TMEM132D: variants seen among roughly 807,000 people sequenced by gnomAD.
TMEM132D encodes mature OL transmembrane protein.
A neutral mutation model predicts 62.3 loss-of-function variants in TMEM132D; 21 were observed. The ratio of observed to expected loss-of-function variants is 0.34; its 90% CI spans 0.24 to 0.49. The LOEUF (loss-of-function observed/expected upper bound fraction) is 0.49, where lower values mean the gene tolerates loss of function less well. TMEM132D is among the 20% of genes least tolerant of loss of function. The pLI is 0.99. For synonymous variants in TMEM132D, 621 were observed against 575.6 expected, an observed-to-expected ratio of 1.08 and a Z score of -1.13; for missense variants, 1,346 against 1,402.8, an observed-to-expected ratio of 0.96 and a Z score of 0.65.
At chr12:129,655,971 G>A (rs907482819) in intron 2 of TMEM132D, among the ~76,000 whole-genome samples, 4 of 152,062 alleles carry the variant, frequency 2.6e-5, no homozygotes, top group African/African-American at 7.2e-5. Flanking sequence ...TCCTCTCAAG[G>A]CTACTTCCAG....
Position 129,571,361 on chromosome 12 carries a change from C to G in TMEM132D, c.969-40156G>C, listed in dbSNP as rs1191034758. On this transcript the variant is annotated intron_variant, in intron 2 of 8. Coordinates refer to ENST00000422113, the MANE Select transcript of TMEM132D (RefSeq NM_133448.3). ...CAAGTGGATCATGAGGTCAGTAGTT[C>G]AAGACCAGCCTGGCCAACATGGTGA... Among the ~76,000 whole-genome samples, 8 of 152,130 alleles carry G rather than the reference C, an allele frequency of 5.3e-5. 1 individual carries two copies. The highest frequency in any genetic ancestry group is 1.5e-5 in the Non-Finnish European group (1 of 68,026).
intron 2 of TMEM132D, among the ~76,000 whole-genome samples, chr12:129,684,891 C>T (rs1880868885): frequency 6.6e-6 from 1 of 152,054 alleles, no homozygotes; most frequent in South Asian, 2.1e-4. Flanking sequence ...GGCTGTTTTT[C>T]CCTGCCTTAG....
rs568070809 is a variant in TMEM132D at position 129,489,055 on chromosome 12, C to A, written c.1115+42004G>T. ...TCGTCAATAGCCATCAATAACAATA[C>A]AGCCAAATGCAAATCAAAGGAAAAT... On this transcript the variant is annotated intron_variant, in intron 3 of 8. Transcript: ENST00000422113. 1.4e-3 allele frequency among the ~76,000 whole-genome samples: 210 copies of A among 152,314 alleles called. 1 individual carries two copies. The highest frequency in any genetic ancestry group is 4.3e-3 in the Admixed American group (66 of 15,298).
At chr12:129,399,525 G>T (rs751481667) in intron 3 of TMEM132D, among the ~76,000 whole-genome samples, 10 of 136,026 alleles carry the variant, frequency 7.4e-5, no homozygotes, top group Non-Finnish European at 1.3e-4. Flanking sequence ...CCTCTCAAAG[G>T]TCCCACCTCT....
At chr12:129,084,896 T>C (rs190304264) in intron 5 of TMEM132D, 194 bp from the exon 6 acceptor site, 10 of 586,566 alleles carry the variant, frequency 1.7e-5, no homozygotes, top group Admixed American at 6.4e-5. Flanking sequence ...GACGCTGTTA[T>C]GAAAGGTGCT....
chr12:129,299,438 T>TG (rs1881655735), intron 4 of TMEM132D, among the ~76,000 whole-genome samples: 1 of 149,534 alleles, frequency 6.7e-6, no homozygotes. Flanking sequence ...TTTTTTTTTT[T>TG]GCCAATTGCA....
At chr12:129,662,608 C>G (rs1429809835) in intron 2 of TMEM132D, among the ~76,000 whole-genome samples, 1 of 152,076 alleles carries the variant, frequency 6.6e-6, no homozygotes, top group East Asian at 1.9e-4. Flanking sequence ...TCCTGGCCAA[C>G]ACGGTGAAAC....
intron 5 of TMEM132D, among the ~76,000 whole-genome samples, chr12:129,106,184 G>A (rs1041277345): frequency 4.2e-4 from 63 of 150,054 alleles, no homozygotes; most frequent in African/African-American, 1.4e-3. Flanking sequence ...ACCAAACACC[G>A]CATATTCTCA....
chr12:129,276,612 T>C (rs1881014187), intron 4 of TMEM132D, among the ~76,000 whole-genome samples: 1 of 152,212 alleles, frequency 6.6e-6, no homozygotes, highest in South Asian at 2.1e-4. Flanking sequence ...AGCCACTTCA[T>C]GGAGGTGGCT....
chr12:129,631,259 T>A lies in TMEM132D; in HGVS notation c.968+68551A>T, dbSNP rs1222541716. On this transcript the variant is annotated intron_variant, in intron 2 of 8. Transcript: ENST00000422113. ...TCTTTCTCTTTCATAAACGCTCAGG[T>A]GTTAATGGATAAAGATTAAAGAACT... 3.3e-5 allele frequency among the ~76,000 whole-genome samples: 5 copies of A among 152,270 alleles called. No individual in the cohort carries two copies. In the East Asian group the frequency reaches 9.7e-4, roughly 29 times the overall value.
intron 2 of TMEM132D, among the ~76,000 whole-genome samples, chr12:129,602,056 T>C (rs1878496222): frequency 6.6e-6 from 1 of 152,216 alleles, no homozygotes. Flanking sequence ...AATGATTTAT[T>C]TGTCTTTCTC....
chr12:129,711,839 A>T (rs1380883688), intron 1 of TMEM132D, among the ~76,000 whole-genome samples: 1 of 149,128 alleles, frequency 6.7e-6, no homozygotes, highest in Admixed American at 6.7e-5. Flanking sequence ...AAAGGATTAT[A>T]AAAAATCCAT....
chr12:129,829,315 A>C (rs944410988), intron 1 of TMEM132D, among the ~76,000 whole-genome samples: 1 of 152,164 alleles, frequency 6.6e-6, no homozygotes, highest in African/African-American at 2.4e-5. Context: ...ATCACCCCAG[A>C]AAGGGACATC....
intron 4 of TMEM132D, among the ~76,000 whole-genome samples, chr12:129,274,748 G>T (rs2398456): frequency 1.3e-5 from 2 of 152,150 alleles, no homozygotes; most frequent in Non-Finnish European, 2.9e-5. Flanking sequence ...TTAGCCAGGC[G>T]TGGTGGCGGG....
intron 5 of TMEM132D, among the ~76,000 whole-genome samples, chr12:129,174,177 G>A (rs1490545592): frequency 6.6e-6 from 1 of 152,112 alleles, no homozygotes; most frequent in South Asian, 2.1e-4. Context: ...GTATATGTGT[G>A]CCATGGTGGT....
At chr12:129,775,182 A>T (rs1215515143) in intron 1 of TMEM132D, among the ~76,000 whole-genome samples, 1 of 152,254 alleles carries the variant, frequency 6.6e-6, no homozygotes, top group Admixed American at 6.5e-5. Context: ...AATCATTAAA[A>T]GTGTTGCTAT....
At chr12:129,723,061 G>A (rs922946059) in intron 1 of TMEM132D, among the ~76,000 whole-genome samples, 1 of 152,086 alleles carries the variant, frequency 6.6e-6, no homozygotes, top group Non-Finnish European at 1.5e-5. Flanking sequence ...TATTTCCAAT[G>A]ACCCTCTGTG....
intron 4 of TMEM132D, among the ~76,000 whole-genome samples, chr12:129,281,784 G>A (rs1428923559): frequency 6.6e-6 from 1 of 152,200 alleles, no homozygotes; most frequent in African/African-American, 2.4e-5. Context: ...CCTTTGGCCA[G>A]CCAGTGGAAG....
chr12:129,337,778 C>G lies in TMEM132D; in HGVS notation c.1155G>C (p.Val385=). 6.2e-7 allele frequency: 1 copy of G among 1,613,828 alleles called. No homozygotes were observed. Among genetic ancestry groups the G allele is most frequent in the Non-Finnish European group, 8.5e-7 (1 of 1,179,878 alleles). ...GASYEVMQID[V]EVEEPGDLPA... ...GCAGGTCACCAGGCTCTTCCACCTC[C>G]ACATCGATCTGCATGACCTCGTAGG... Residue 385 remains valine, a synonymous_variant, in exon 4 of 9, where the codon GTG becomes GTC. Coordinates refer to ENST00000422113, the MANE Select transcript of TMEM132D (RefSeq NM_133448.3).
Sources: gnomAD v4.1 joint callset for allele counts (sites outside exome capture counted in the v4.1 genomes callset) on GRCh38, gnomAD v4.1.1 for gene constraint, MANE v1.5 for transcripts, NCBI Gene and HGNC (gene_info 2026-07-23, HGNC 2026-07-21) for gene names.